Variants in CRYGD observed in about 807,000 individuals in gnomAD.
CRYGD encodes gamma-crystallin D.
Under a neutral mutation model 11.3 loss-of-function variants are expected in CRYGD, and 13 were observed. The observed-to-expected ratio is 1.15, with a 90% CI of 0.75 to 1.83. The LOEUF (loss-of-function observed/expected upper bound fraction) is 1.83, where lower values mean the gene tolerates loss of function less well. CRYGD is among the 40% of genes most tolerant of loss of function. The pLI is 0.00. For missense variants in CRYGD, 231 were observed against 229.9 expected (o/e 1.00, Z -0.03); for synonymous variants, 77 against 89.5 (o/e 0.86, Z 0.79).
intron 2 of CRYGD, 123 bp downstream of exon 2, chr2:208,123,989 T>C (rs770211808): frequency 5.7e-6 from 8 of 1,405,598 alleles, no homozygotes; most frequent in Non-Finnish European, 6.9e-6. Flanking sequence ...TAATCCACTA[T>C]AGTTCATCTT....
At chr2:208,123,212 T>C (rs1310564890) in intron 2 of CRYGD, among the ~76,000 whole-genome samples, 1 of 147,136 alleles carries the variant, frequency 6.8e-6, no homozygotes, top group Non-Finnish European at 1.5e-5. Context: ...ATATATTAAA[T>C]ACATATTTAT....
rs1395389917 is a variant in CRYGD, at chr2:208,124,163, C to T, written c.201G>A (p.Gln67=). Residue 67 remains glutamine, a synonymous_variant, in exon 2 of 3, where the codon CAG becomes CAA. Transcript: ENST00000264376. The part of the protein sequence containing the change: ...FLRRGDYADH[Q]QWMGLSDSVR... The stretch of plus-strand genomic sequence containing the variant: ...CCGAGTCGCTGAGGCCCATCCACTG[C>T]TGGTGGTCGGCATAGTCGCCGCGGC... 6.2e-7 allele frequency: 1 copy of T among 1,611,610 alleles called. No individual in the cohort carries two copies. Among genetic ancestry groups the T allele is most frequent in the African/African-American group, 1.3e-5 (1 of 74,862 alleles).
In CRYGD at chr2:208,121,636, A is replaced by G; in HGVS notation, c.*37T>C. The G allele has an allele frequency of 6.2e-7, 1 of 1,604,084 alleles. No individual in the cohort carries two copies. Among genetic ancestry groups the G allele is most frequent in the Non-Finnish European group, 8.5e-7 (1 of 1,174,230 alleles). ...AGGAACACACAGAAAATATTTTATT[A>G]GTTTCCAAATTAAGAAACAACAAAA... On this transcript the variant is annotated 3_prime_UTR_variant, in exon 3 of 3. Transcript: ENST00000264376.
rs200911604 is a variant in CRYGD at position 208,124,175 on chromosome 2, A to G, written c.189T>C (p.Tyr63=). Residue 63 remains tyrosine, a synonymous_variant, in exon 2 of 3, where the codon TAT becomes TAC. Coordinates refer to ENST00000264376, the MANE Select transcript of CRYGD (RefSeq NM_006891.4). ...GGCCCATCCACTGCTGGTGGTCGGCATAGTCGCCGCGGCGCAGGAAGTACT... is the reference window on the plus strand; with the variant it reads ...GGCCCATCCACTGCTGGTGGTCGGCGTAGTCGCCGCGGCGCAGGAAGTACT... ...GLQYFLRRGD[Y]ADHQQWMGLS... is the part of the protein sequence containing the mutation. 6.3e-5 allele frequency: 102 copies of G among 1,611,656 alleles called. No homozygotes were observed. In the East Asian group the frequency reaches 2.1e-3, roughly 33 times the overall value.
chr2:208,123,482 A>C (rs1046979425), intron 2 of CRYGD, among the ~76,000 whole-genome samples: 2 of 149,888 alleles, frequency 1.3e-5, no homozygotes, highest in African/African-American at 2.4e-5. Context: ...AAAATATAAA[A>C]TGTTAAATAT....
At chr2:208,122,369 AC>A (rs1418534085) in intron 2 of CRYGD, among the ~76,000 whole-genome samples, 2 of 148,146 alleles carry the variant, frequency 1.4e-5, no homozygotes, top group Admixed American at 1.4e-4. Context: ...GATATCTAAT[AC>A]ATATTTAATT....
intron 2 of CRYGD, 114 bp downstream of exon 2, chr2:208,123,998 T>C (rs1330260741): frequency 4.7e-6 from 7 of 1,485,416 alleles, no homozygotes; most frequent in Non-Finnish European, 6.5e-6. Flanking sequence ...ATAGTTCATC[T>C]TTTGTCCACT....
rs1333818690 is a variant in CRYGD at position 208,121,866 on chromosome 2, C to T, written c.332G>A (p.Cys111Tyr). 6 of 1,614,192 alleles carry T rather than the reference C, an allele frequency of 3.7e-6. No homozygotes were observed. The highest frequency in any genetic ancestry group is 5.1e-6 in the Non-Finnish European group (6 of 1,180,050). Residue 111 changes from cysteine to tyrosine, a missense_variant, in exon 3 of 3, where the codon TGT (cysteine) becomes TAT (tyrosine). Coordinates refer to ENST00000264376, the MANE Select transcript of CRYGD (RefSeq NM_006891.4). ...QMIEFTEDCS[C>Y]LQDRFRFNEI... Reference sequence around the variant, plus strand: ...ATTGAAGCGGAAGCGGTCCTGAAGACAGGAGCAGTCCTCAGTGAACTCTAT... The same window carrying T: ...ATTGAAGCGGAAGCGGTCCTGAAGATAGGAGCAGTCCTCAGTGAACTCTAT...
rs1694935318 is a variant in CRYGD, at chr2:208,124,305, C to G, written c.59G>C (p.Ser20Thr). ...GGGCTGCAGGTTGGGGTGGTCGCTG[C>G]TGCATTCATAGTGGCGGCCCTGGAA... The part of the protein sequence containing the change: ...RGFQGRHYEC[S>T]SDHPNLQPYL... The change falls in exon 2 of 3, where the codon AGC (serine) becomes ACC (threonine). Residue 20 changes from serine to threonine, a missense_variant. Ser to Thr is a moderately conservative substitution (Grantham distance 58). Transcript: ENST00000264376. The G allele has an allele frequency of 1.9e-6, 3 of 1,611,002 alleles. No individual in the cohort carries two copies. The highest frequency in any genetic ancestry group is 1.3e-5 in the African/African-American group (1 of 74,918).
intron 2 of CRYGD, among the ~76,000 whole-genome samples, chr2:208,122,558 A>G (rs2105852151): frequency 1.3e-5 from 2 of 149,174 alleles, no homozygotes; most frequent in South Asian, 4.2e-4. Context: ...TAAATAAAAT[A>G]TATTTAAAAT....
At chr2:208,124,432 G>A (rs1304021395) in intron 1 of CRYGD, 33 bp downstream of exon 1, 2 of 1,590,244 alleles carry the variant, frequency 1.3e-6, no homozygotes, top group Non-Finnish European at 1.7e-6. Context: ...GATGGAGGAA[G>A]CTCCGGGGTC....
chr2:208,124,244 G>C lies in CRYGD; in HGVS notation c.120C>G (p.Ser40Arg), dbSNP rs374192743. ...GCTGCTCATAGAGCATCCAGCAGCC[G>C]CTGTCCACGCGCGCCGAGTTGCAGC... ...LSRCNSARVD[S>R]GCWMLYEQPN... is the part of the protein sequence containing the mutation. Residue 40 changes from serine (S) to arginine (R), a missense_variant, in exon 2 of 3, where the codon AGC becomes AGG. By Grantham distance (110) the Ser-to-Arg change is moderately radical. Coordinates refer to ENST00000264376, the MANE Select transcript of CRYGD (RefSeq NM_006891.4). 6.2e-7 allele frequency: 1 copy of C among 1,612,276 alleles called. No individual in the cohort carries two copies. Among genetic ancestry groups the C allele is most frequent in the Admixed American group, 1.7e-5 (1 of 59,856 alleles).
At position 208,124,107 on chromosome 2, in the gene CRYGD, C is replaced by G. The variant is rs1326929843; in HGVS notation, c.252+5G>C. 1.2e-6 allele frequency: 2 copies of G among 1,611,736 alleles called. No individual in the cohort carries two copies. Among genetic ancestry groups the G allele is most frequent in the East Asian group, 2.2e-5 (1 of 44,882 alleles). ...GCCTGGGTCCTGACTTGAGGATGTA[C>G]TCACGTGGGGGATGAGGCGGCAGGA... On this transcript the variant is annotated splice_donor_5th_base_variant and intron_variant, in intron 2 of 2. Coordinates refer to ENST00000264376, the MANE Select transcript of CRYGD (RefSeq NM_006891.4).
At chr2:208,123,705 A>G (rs1158612650) in intron 2 of CRYGD, among the ~76,000 whole-genome samples, 1 of 152,214 alleles carries the variant, frequency 6.6e-6, no homozygotes, top group African/African-American at 2.4e-5. Flanking sequence ...GGAAAACCCA[A>G]AATATGCAAG....
chr2:208,122,675 G>A (rs188004444), intron 2 of CRYGD, among the ~76,000 whole-genome samples: 7 of 150,404 alleles, frequency 4.7e-5, no homozygotes, highest in Admixed American at 3.3e-4. Context: ...CCAGCCTGAC[G>A]AATATGGCGA....
chr2:208,124,028 C>G (rs1396020874), intron 2 of CRYGD, 84 bp downstream of exon 2: 13 of 1,588,416 alleles, frequency 8.2e-6, no homozygotes, highest in Middle Eastern at 4.5e-4. Flanking sequence ...TGTGACTGAT[C>G]ACTACTTCTA....
chr2:208,121,780 G>T lies in CRYGD; in HGVS notation c.418C>A (p.Arg140=), dbSNP rs1337897299. The change falls in exon 3 of 3, where the codon CGA becomes AGA. Residue 140 remains arginine, a synonymous_variant. Coordinates refer to ENST00000264376, the MANE Select transcript of CRYGD (RefSeq NM_006891.4). ...GGCATCAGCAGGTACTGCCGTCCTCGGTAGTTGGACAGCTCGTAGAGGACC... is the reference window on the plus strand; with the variant it reads ...GGCATCAGCAGGTACTGCCGTCCTCTGTAGTTGGACAGCTCGTAGAGGACC... ...SWVLYELSNY[R]GRQYLLMPGD... is the part of the protein sequence containing the mutation. The T allele has an allele frequency of 6.2e-7, 1 of 1,614,020 alleles. No homozygotes were observed. Among genetic ancestry groups the T allele is most frequent in the African/African-American group, 1.3e-5 (1 of 74,902 alleles).
intron 2 of CRYGD, 109 bp from the exon 3 acceptor site, chr2:208,122,054 A>G (rs1694875525): frequency 2.0e-6 from 3 of 1,482,638 alleles, no homozygotes; most frequent in African/African-American, 1.4e-5. Context: ...TTTGAAATAC[A>G]TGGTAAAATT....
rs777744566 is a variant in CRYGD, at chr2:208,124,113, T to C, written c.251A>G (p.His84Arg). 1 of 1,611,722 alleles carries C rather than the reference T, an allele frequency of 6.2e-7. No individual in the cohort carries two copies. Among genetic ancestry groups the C allele is most frequent in the South Asian group, 1.1e-5 (1 of 90,984 alleles). ...DSVRSCRLIP[H>R]SGSHRIRLYE... ...GTCCTGACTTGAGGATGTACTCACGTGGGGGATGAGGCGGCAGGAGCGGAC... is the reference window on the plus strand; with the variant it reads ...GTCCTGACTTGAGGATGTACTCACGCGGGGGATGAGGCGGCAGGAGCGGAC... Residue 84 changes from histidine to arginine, a missense_variant and splice_region_variant, in exon 2 of 3, where the codon CAC becomes CGC. Transcript: ENST00000264376.
Sources: allele counts gnomAD v4.1 joint callset (sites outside exome capture counted in the v4.1 genomes callset), GRCh38; gene constraint gnomAD v4.1.1; transcripts MANE v1.5; gene names NCBI Gene and HGNC (gene_info 2026-07-23, HGNC 2026-07-21).